NYAP2: variants seen among roughly 807,000 people sequenced by gnomAD.
NYAP2 encodes the protein neuronal tyrosine-phosphorylated phosphoinositide-3-kinase adapter 2.
A neutral mutation model predicts 50.4 loss-of-function variants in NYAP2; 23 were observed. The ratio of observed to expected loss-of-function variants is 0.46; its 90% CI spans 0.33 to 0.65. The LOEUF (loss-of-function observed/expected upper bound fraction) is 0.65, where lower values mean the gene tolerates loss of function less well. Among genes scored for constraint, NYAP2 ranks in the 30% least tolerant of loss-of-function variants. NYAP2 has a pLI of 0.02. For missense variants in NYAP2, 885 were observed against 861.0 expected (o/e 1.03, Z -0.35); for synonymous variants, 394 against 365.2 (o/e 1.08, Z -0.90).
intron 4 of NYAP2, among the ~76,000 whole-genome samples, chr2:225,550,756 G>A (rs182829926): frequency 7.2e-5 from 11 of 152,304 alleles, no homozygotes; most frequent in Non-Finnish European, 1.6e-4. Context: ...GAAAGCCCCT[G>A]ATAAGCTGTC....
chr2:225,674,556 T>C, the NYAP2 span, among the ~76,000 whole-genome samples: 232 of 152,198 alleles, frequency 1.5e-3, no homozygotes, highest in African/African-American at 5.4e-3. Context: ...GCTAGACACA[T>C]GCAAAGTGAA....
At position 225,651,664 on chromosome 2, in the gene NYAP2, G is replaced by A. The variant is rs1693734781; in HGVS notation, c.*99G>A. The A allele has an allele frequency of 3.9e-6, 5 of 1,289,700 alleles. No individual in the cohort carries two copies. In the African/African-American group the frequency reaches 4.4e-5, roughly 11 times the overall value. The allele number at this position is 1,289,700 out of a possible 1,614,324, so 79.9% of individuals were successfully genotyped here. ...CTTTTATTTTTCTATGTGTGTATGGGTTAGGGGATGCGGGGGATGAGTTCT... is the reference window on the plus strand; with the variant it reads ...CTTTTATTTTTCTATGTGTGTATGGATTAGGGGATGCGGGGGATGAGTTCT... On this transcript the variant is annotated 3_prime_UTR_variant, in exon 7 of 7. Coordinates refer to ENST00000636099, the Ensembl canonical transcript of NYAP2.
downstream of NYAP2, among the ~76,000 whole-genome samples, chr2:225,658,649 G>A (rs973059860): frequency 1.3e-5 from 2 of 152,146 alleles, no homozygotes; most frequent in African/African-American, 4.8e-5. Context: ...ATATGGTCCT[G>A]TCAAATTGTT....
intron 5 of NYAP2, among the ~76,000 whole-genome samples, chr2:225,620,463 G>T (rs1020913426): frequency 4.6e-5 from 6 of 130,836 alleles, no homozygotes; most frequent in South Asian, 2.5e-4. Context: ...GCACACACGC[G>T]CATGCACACG....
At chr2:225,702,995 C>T in the NYAP2 span, 1 of 151,550 alleles carries the variant, frequency 6.6e-6, no homozygotes, top group Admixed American at 6.6e-5. Context: ...TTAGTATGCA[C>T]TTCTTTTGAT....
At chr2:225,658,026 C>T (rs568300803), downstream of NYAP2, among the ~76,000 whole-genome samples, 4 of 152,218 alleles carry the variant, frequency 2.6e-5, no homozygotes, top group African/African-American at 7.2e-5. Flanking sequence ...TCCTATCAGA[C>T]CTGAACTGAG....
intron 3 of NYAP2, among the ~76,000 whole-genome samples, chr2:225,460,763 T>A (rs1287628886): frequency 6.6e-6 from 1 of 152,076 alleles, no homozygotes; most frequent in Non-Finnish European, 1.5e-5. Context: ...ATTATACCCA[T>A]CAATAAGTGA....
At chr2:225,676,742 A>G in the NYAP2 span, among the ~76,000 whole-genome samples, 1 of 152,172 alleles carries the variant, frequency 6.6e-6, no homozygotes, top group Non-Finnish European at 1.5e-5. Context: ...TATGGGAGCC[A>G]CAAGATAAGA....
chr2:225,408,273 C>T (rs567246458), intron 2 of NYAP2, among the ~76,000 whole-genome samples: 6 of 152,028 alleles, frequency 3.9e-5, no homozygotes, highest in South Asian at 4.1e-4. Flanking sequence ...TATGGAGGAA[C>T]ATTATGGAAA....
intron 5 of NYAP2, among the ~76,000 whole-genome samples, chr2:225,617,524 C>G (rs1374557120): frequency 6.6e-6 from 1 of 151,930 alleles, no homozygotes; most frequent in Non-Finnish European, 1.5e-5. Context: ...TTCATAGAAG[C>G]AATTAAATGA....
At chr2:225,470,174 G>T (rs1689990091) in intron 3 of NYAP2, among the ~76,000 whole-genome samples, 2 of 152,042 alleles carry the variant, frequency 1.3e-5, no homozygotes, top group African/African-American at 4.8e-5. Flanking sequence ...GTGAAAAAAT[G>T]GGTTTGTTTT....
chr2:225,493,126 C>G (rs114990374), intron 3 of NYAP2, among the ~76,000 whole-genome samples: 247 of 152,058 alleles, frequency 1.6e-3, no homozygotes, highest in African/African-American at 5.7e-3. Flanking sequence ...GCTGGGACTA[C>G]AGGTGTGTGC....
chr2:225,552,717 G>C (rs1691699732), intron 4 of NYAP2, among the ~76,000 whole-genome samples: 2 of 152,182 alleles, frequency 1.3e-5, no homozygotes, highest in African/African-American at 2.4e-5. Flanking sequence ...TTGAGACACA[G>C]TCTCGCTCTG....
intron 3 of NYAP2, among the ~76,000 whole-genome samples, chr2:225,491,379 C>G (rs1281629494): frequency 1.3e-5 from 2 of 152,138 alleles, no homozygotes; most frequent in African/African-American, 4.8e-5. Flanking sequence ...GGTCCTACCA[C>G]CTTTTATTAT....
the NYAP2 span, among the ~76,000 whole-genome samples, chr2:225,667,877 T>C: frequency 2.0e-5 from 3 of 152,078 alleles, no homozygotes; most frequent in African/African-American, 7.2e-5. Context: ...ATACAGTTTT[T>C]TAAAATAATG....
chr2:225,459,884 C>T lies in NYAP2; in HGVS notation c.221+50783C>T, dbSNP rs1055178154. ...GAGATGGGGTTTCACCGTGTTAGCCCGGATGGTCTCGATCTCCTGACCTGT... is the reference window on the plus strand; with the variant it reads ...GAGATGGGGTTTCACCGTGTTAGCCTGGATGGTCTCGATCTCCTGACCTGT... On this transcript the variant is annotated intron_variant, in intron 3 of 6. Transcript: ENST00000636099. 1.4e-4 allele frequency among the ~76,000 whole-genome samples: 22 copies of T among 152,098 alleles called. No individual in the cohort carries two copies. The East Asian group carries it at 2.7e-3, about 19-fold the overall frequency.
At chr2:225,682,338 A>G in the NYAP2 span, among the ~76,000 whole-genome samples, 676 of 152,296 alleles carry the variant, frequency 4.4e-3, 9 homozygotes, top group African/African-American at 0.015. Context: ...TCTTTATTTC[A>G]GTAAGTGTGA....
chr2:225,585,220 A>C (rs926493183), intron 5 of NYAP2, among the ~76,000 whole-genome samples: 4 of 152,256 alleles, frequency 2.6e-5, no homozygotes, highest in Admixed American at 1.3e-4. Flanking sequence ...TTTTTTAAAC[A>C]TTTTATTTAA....
Position 225,408,857 on chromosome 2 carries a change from C to A in NYAP2, c.-17-7C>A, listed in dbSNP as rs751846339. The A allele has an allele frequency of 1.3e-6, 2 of 1,502,740 alleles. No individual in the cohort carries two copies. The highest frequency in any genetic ancestry group is 3.4e-5 in the Admixed American group (2 of 58,702). 93.1% of individuals were successfully genotyped at this position (1,502,740 alleles called of 1,614,324 possible). A position where few individuals can be genotyped will look rare whatever the true frequency, so the allele number is the denominator to read the frequency against. On this transcript the variant is annotated splice_polypyrimidine_tract_variant and splice_region_variant and intron_variant, in intron 2 of 6. Transcript: ENST00000636099. Reference sequence around the variant, plus strand: ...GGATAAAAGTAAAATGTGTTCTCACCCTGCAGGCAGTGTTCCTCTTTACAT... The same window carrying A: ...GGATAAAAGTAAAATGTGTTCTCACACTGCAGGCAGTGTTCCTCTTTACAT...
Sources: allele counts gnomAD v4.1 joint callset (sites outside exome capture counted in the v4.1 genomes callset), GRCh38; gene constraint gnomAD v4.1.1; transcripts MANE v1.5; gene names NCBI Gene and HGNC (gene_info 2026-07-23, HGNC 2026-07-21).